Variants in ALCAM observed in about 807,000 individuals in gnomAD.
ALCAM encodes the protein activated leukocyte cell adhesion molecule.
A neutral mutation model predicts 70.9 loss-of-function variants in ALCAM; 30 were observed. The observed-to-expected ratio is 0.42, with a 90% CI of 0.32 to 0.57. The LOEUF (loss-of-function observed/expected upper bound fraction) is 0.57, where lower values mean the gene tolerates loss of function less well. ALCAM is among the 20% of genes least tolerant of loss of function. ALCAM has a pLI of 0.11. For missense variants in ALCAM, 591 were observed against 695.1 expected (o/e 0.85, Z 1.68); for synonymous variants, 249 against 242.5 (o/e 1.03, Z -0.25).
intron 1 of ALCAM, among the ~76,000 whole-genome samples, chr3:105,518,062 A>G (rs1939428182): frequency 6.6e-6 from 1 of 152,124 alleles, no homozygotes; most frequent in Non-Finnish European, 1.5e-5. Flanking sequence ...AGAGAAGAGA[A>G]AAGAAAAATG....
chr3:105,571,486 GA>G (rs1174268696), intron 14 of ALCAM, among the ~76,000 whole-genome samples: 1 of 152,150 alleles, frequency 6.6e-6, no homozygotes, highest in African/African-American at 2.4e-5. Flanking sequence ...ATGTCCTTAA[GA>G]AAATTTTTTT....
chr3:105,516,174 A>G (rs1004440121), intron 1 of ALCAM, among the ~76,000 whole-genome samples: 1 of 151,898 alleles, frequency 6.6e-6, no homozygotes, highest in African/African-American at 2.4e-5. Flanking sequence ...GAAATGTGGT[A>G]GCAGATTCTG....
At chr3:105,523,469 A>G (rs1939608121) in intron 2 of ALCAM, among the ~76,000 whole-genome samples, 1 of 152,216 alleles carries the variant, frequency 6.6e-6, no homozygotes, top group Non-Finnish European at 1.5e-5. Context: ...ATGGACTATA[A>G]CATATATCAC....
chr3:105,572,900 A>G (rs983841053), intron 15 of ALCAM, among the ~76,000 whole-genome samples: 1 of 152,216 alleles, frequency 6.6e-6, no homozygotes, highest in Non-Finnish European at 1.5e-5. Flanking sequence ...ATCATTTTAT[A>G]TTTTAATGCA....
chr3:105,403,004 T>A (rs966642759), intron 1 of ALCAM, among the ~76,000 whole-genome samples: 2 of 150,860 alleles, frequency 1.3e-5, no homozygotes, highest in African/African-American at 2.5e-5. Context: ...TGGAGTGCAA[T>A]TGTGCAATCT....
chr3:105,487,554 G>A (rs1411225038), intron 1 of ALCAM, among the ~76,000 whole-genome samples: 2 of 152,136 alleles, frequency 1.3e-5, no homozygotes, highest in African/African-American at 4.8e-5. Context: ...AAATGGACAA[G>A]TAATCTAAGA....
chr3:105,509,089 A>G (rs765962657), intron 1 of ALCAM, among the ~76,000 whole-genome samples: 1 of 152,152 alleles, frequency 6.6e-6, no homozygotes, highest in Non-Finnish European at 1.5e-5. Context: ...GTTTGTATCT[A>G]TATAGACAAT....
chr3:105,532,909 G>C (rs1306307240), intron 4 of ALCAM, among the ~76,000 whole-genome samples: 1 of 152,150 alleles, frequency 6.6e-6, no homozygotes, highest in Non-Finnish European at 1.5e-5. Context: ...AAAGAGGTGA[G>C]ATCAGATTCG....
chr3:105,524,549 T>TG, intron 3 of ALCAM, 41 bp downstream of exon 3: 1 of 1,611,812 alleles, frequency 6.2e-7, no homozygotes, highest in South Asian at 1.1e-5. Context: ...GTGGGATTGA[T>TG]GGCCAGTACC....
At chr3:105,493,065 G>A (rs1419370121) in intron 1 of ALCAM, among the ~76,000 whole-genome samples, 2 of 152,128 alleles carry the variant, frequency 1.3e-5, no homozygotes, top group Non-Finnish European at 2.9e-5. Flanking sequence ...AATATTAGGT[G>A]TACATTTTAT....
intron 6 of ALCAM, among the ~76,000 whole-genome samples, chr3:105,537,829 A>G (rs536215036): frequency 1.3e-5 from 2 of 152,274 alleles, no homozygotes; most frequent in South Asian, 2.1e-4. Flanking sequence ...AGGGTTTTCA[A>G]CTTCCTAATT....
rs561915417 is a variant in ALCAM, at chr3:105,533,986, C to G, written c.547+296C>G. On this transcript the variant is annotated intron_variant, in intron 5 of 15. Transcript: ENST00000306107. ...GAGCCCAGAGCTTGTTTTTCTGGAACTAGACAGTCCCATCTAGGGGTGATG... is the reference window on the plus strand; with the variant it reads ...GAGCCCAGAGCTTGTTTTTCTGGAAGTAGACAGTCCCATCTAGGGGTGATG... Among the ~76,000 whole-genome samples, 294 of 152,234 alleles carry G rather than the reference C, an allele frequency of 1.9e-3. 3 individuals are homozygous for G. Among genetic ancestry groups the G allele is most frequent in the African/African-American group, 6.8e-3 (281 of 41,552 alleles).
intron 14 of ALCAM, among the ~76,000 whole-genome samples, chr3:105,553,725 C>T (rs1241468946): frequency 6.6e-6 from 1 of 151,822 alleles, no homozygotes; most frequent in Non-Finnish European, 1.5e-5. Flanking sequence ...CACAACACAT[C>T]TATAAAGTAC....
chr3:105,470,132 T>TATACACACAC (rs142623980), intron 1 of ALCAM, among the ~76,000 whole-genome samples: 2 of 145,748 alleles, frequency 1.4e-5, no homozygotes, highest in East Asian at 2.0e-4. Context: ...GTTATATACA[T>TATACACACAC]ACACACACAC....
At chr3:105,513,179 G>C (rs1421167397) in intron 1 of ALCAM, 1 of 149,542 alleles carries the variant, frequency 6.7e-6, no homozygotes. Context: ...GCCTTACTTA[G>C]CATGTTGGCA....
intron 1 of ALCAM, among the ~76,000 whole-genome samples, chr3:105,376,478 T>C (rs999704046): frequency 3.9e-5 from 6 of 152,222 alleles, no homozygotes; most frequent in Non-Finnish European, 8.8e-5. Context: ...TCATTCAGCA[T>C]ATATAACAGC....
At chr3:105,496,603 A>G (rs1357456214) in intron 1 of ALCAM, among the ~76,000 whole-genome samples, 3 of 152,104 alleles carry the variant, frequency 2.0e-5, no homozygotes, top group Non-Finnish European at 4.4e-5. Context: ...GTCACCCCAG[A>G]AGTCACTCAG....
At chr3:105,411,102 C>T (rs1161560404) in intron 1 of ALCAM, among the ~76,000 whole-genome samples, 1 of 152,010 alleles carries the variant, frequency 6.6e-6, no homozygotes, top group South Asian at 2.1e-4. Flanking sequence ...TAATGCAGCT[C>T]TTACAACATG....
At chr3:105,449,910 C>T (rs995803412) in intron 1 of ALCAM, among the ~76,000 whole-genome samples, 1 of 152,064 alleles carries the variant, frequency 6.6e-6, no homozygotes, top group African/African-American at 2.4e-5. Context: ...GTTTTATCCT[C>T]GTTTTCTAAA....
Sources: allele counts gnomAD v4.1 joint callset (sites outside exome capture counted in the v4.1 genomes callset), GRCh38; gene constraint gnomAD v4.1.1; transcripts MANE v1.5; gene names NCBI Gene and HGNC (gene_info 2026-07-23, HGNC 2026-07-21).